Variants in YME1L1 observed in about 807,000 individuals in gnomAD.
YME1L1 encodes YME1 like 1 ATPase.
Under a neutral mutation model 90.4 loss-of-function variants are expected in YME1L1, and 39 were observed. That is an observed-to-expected ratio of 0.43 (90% confidence interval 0.33 to 0.56). The LOEUF is 0.56. Ranked by LOEUF, YME1L1 falls within the 20% of genes least tolerant of loss-of-function variation. YME1L1 has a pLI of 0.03. For missense variants in YME1L1, 617 were observed against 868.4 expected, an observed-to-expected ratio of 0.71 and a Z score of 3.64; for synonymous variants, 284 against 287.3, an observed-to-expected ratio of 0.99 and a Z score of 0.12.
At position 27,148,991 on chromosome 10, in the gene YME1L1, T is replaced by C; in HGVS notation, c.83A>G (p.Asn28Ser). 1 of 1,613,650 alleles carries C rather than the reference T, an allele frequency of 6.2e-7. No individual in the cohort carries two copies. The highest frequency in any genetic ancestry group is 1.1e-5 in the South Asian group (1 of 91,034). ...HLINAFHTPK[N>S]TSVSLSGVSV... is the part of the protein sequence containing the mutation. ...CACTCCACTGAGAGAAACAGAAGTG[T>C]TTTTTGGTGTATGGAAGGCATTGAT... The change falls in exon 2 of 19, where the codon AAC (asparagine) becomes AGC (serine). Residue 28 changes from asparagine (N) to serine (S), a missense_variant. Asn to Ser is a conservative substitution (Grantham distance 46). Transcript: ENST00000376016.
intron 1 of YME1L1, among the ~76,000 whole-genome samples, chr10:27,151,741 C>G (rs555235484): frequency 6.6e-6 from 1 of 151,972 alleles, no homozygotes; most frequent in Non-Finnish European, 1.5e-5. Context: ...ATTAGCCGGG[C>G]GTGGTGGCGG....
At chr10:27,134,317 C>T (rs1354975232) in intron 6 of YME1L1, among the ~76,000 whole-genome samples, 195 bp from the exon 7 acceptor site, 1 of 152,218 alleles carries the variant, frequency 6.6e-6, no homozygotes, top group East Asian at 1.9e-4. Flanking sequence ...AGCATGGTGG[C>T]TCATGCCTGT....
intron 13 of YME1L1, 49 bp from the exon 14 acceptor site, chr10:27,119,498 G>C (rs201442688): frequency 4.0e-5 from 62 of 1,555,304 alleles, no homozygotes; most frequent in Non-Finnish European, 5.2e-5. Flanking sequence ...ACAGGTAAAA[G>C]AAAGCTCTTC....
In YME1L1 at chr10:27,120,478, T is replaced by G. The variant is rs2056856199; in HGVS notation, c.1368A>C (p.Thr456=). 5.0e-6 allele frequency: 8 copies of G among 1,613,846 alleles called. No individual in the cohort carries two copies. Among genetic ancestry groups the G allele is most frequent in the African/African-American group, 2.7e-5 (2 of 74,934 alleles). The part of the protein sequence containing the change: ...TVPRPDVKGR[T]EILKWYLNKI... ...TATTGAGATACCATTTCAAAATTTC[T>G]GTTCGACCTTTTACATCTGGCCTTG... Residue 456 remains threonine, a synonymous_variant, in exon 13 of 19, where the codon ACA becomes ACC. Coordinates refer to ENST00000376016, the MANE Select transcript of YME1L1 (RefSeq NM_014263.4).
intron 5 of YME1L1, among the ~76,000 whole-genome samples, chr10:27,135,446 T>C (rs1354261667): frequency 1.3e-5 from 2 of 152,234 alleles, no homozygotes; most frequent in Non-Finnish European, 2.9e-5. Context: ...GTTTCTTAAA[T>C]CATTTTGATA....
In YME1L1 at chr10:27,111,962, A is replaced by G. The variant is rs117518425; in HGVS notation, c.*15T>C. On this transcript the variant is annotated 3_prime_UTR_variant, in exon 19 of 19. Transcript: ENST00000376016. ...CTTGCAATAAAACCAGCAAGCATCC[A>G]TATCAAGAGAGTTATCATCTCACTT... 6 of 1,613,804 alleles carry G rather than the reference A, an allele frequency of 3.7e-6. No homozygotes were observed. In the African/African-American group the frequency reaches 4.0e-5, roughly 11 times the overall value.
chr10:27,150,413 G>GAAA (rs1313980845), intron 1 of YME1L1, among the ~76,000 whole-genome samples: 1 of 152,166 alleles, frequency 6.6e-6, no homozygotes, highest in East Asian at 1.9e-4. Context: ...GGGGCAAAAT[G>GAAA]AGGGTAAATG....
intron 16 of YME1L1, 42 bp downstream of exon 16, chr10:27,116,177 G>A (rs1278237773): frequency 3.7e-6 from 6 of 1,613,498 alleles, no homozygotes; most frequent in Non-Finnish European, 5.1e-6. Context: ...ATATCTTTAA[G>A]ACCACATATA....
rs1468688050 is a variant in YME1L1, at chr10:27,134,841, T to C, written c.681A>G (p.Gln227=). 6.2e-7 allele frequency: 1 copy of C among 1,613,834 alleles called. No individual in the cohort carries two copies. Among genetic ancestry groups the C allele is most frequent in the Admixed American group, 1.7e-5 (1 of 60,006 alleles). ...EGFLKAQALT[Q]KTNDSLRRTR... ...GTCAATTCAACTTACCATTGGTTTT[T>C]TGTGTGAGTGCTTGAGCTTTCAGAA... The change falls in exon 6 of 19, where the codon CAA becomes CAG. Residue 227 remains glutamine, a synonymous_variant. Coordinates refer to ENST00000376016, the MANE Select transcript of YME1L1 (RefSeq NM_014263.4).
chr10:27,150,247 T>A (rs902923067), intron 1 of YME1L1, among the ~76,000 whole-genome samples: 3 of 152,072 alleles, frequency 2.0e-5, no homozygotes, highest in African/African-American at 7.2e-5. Flanking sequence ...AATGAATACA[T>A]TAAATGGGTT....
At chr10:27,136,028 GCTGCTCATTAATACAGAGAA>G (rs1049432680) in intron 5 of YME1L1, among the ~76,000 whole-genome samples, 4 of 152,192 alleles carry the variant, frequency 2.6e-5, no homozygotes, top group African/African-American at 9.7e-5. Flanking sequence ...TTGGGTGGAT[GCTGCTCATTAATACAGAGAA>G]CACCTCGACA....
At chr10:27,130,832 A>G (rs1269125846) in intron 8 of YME1L1, among the ~76,000 whole-genome samples, 1 of 152,244 alleles carries the variant, frequency 6.6e-6, no homozygotes, top group African/African-American at 2.4e-5. Context: ...CAGCTTGGGC[A>G]ACAATAGCGA....
rs781168773 is a variant in YME1L1 at position 27,114,505 on chromosome 10, C to CA, written c.2007+15dup. 4 of 1,596,780 alleles carry CA rather than the reference C, an allele frequency of 2.5e-6. No individual in the cohort carries two copies. In the African/African-American group the frequency reaches 5.4e-5, roughly 22 times the overall value. On this transcript the variant is annotated intron_variant, in intron 18 of 18. Transcript: ENST00000376016. ...TTGTTCCTAAGAAAATAAATAAGCA[C>CA]AAAAAATATTATTACCCTTAGAAGG... is the stretch of plus-strand genomic sequence containing the variant.
intron 9 of YME1L1, among the ~76,000 whole-genome samples, chr10:27,124,066 A>T (rs141333069): frequency 2.1e-3 from 313 of 152,374 alleles, no homozygotes; most frequent in African/African-American, 7.3e-3. Flanking sequence ...ATGCTTTTTC[A>T]TAAAGAACAA....
chr10:27,151,619 C>G (rs1314588405), intron 1 of YME1L1, among the ~76,000 whole-genome samples: 2 of 151,642 alleles, frequency 1.3e-5, no homozygotes, highest in African/African-American at 2.4e-5. Flanking sequence ...CGGTGGCTCA[C>G]GCCTGTAATC....
intron 4 of YME1L1, among the ~76,000 whole-genome samples, chr10:27,141,645 CACAG>C (rs1266729828): frequency 9.4e-4 from 126 of 134,336 alleles, no homozygotes; most frequent in South Asian, 5.3e-3. Context: ...CACACACACA[CACAG>C]ACGTCTTATT....
rs764690697 is a variant in YME1L1, at chr10:27,121,532, T to A, written c.1236-84A>T. The A allele has an allele frequency of 4.1e-4, 422 of 1,031,632 alleles. 1 individual carries two copies. The highest frequency in any genetic ancestry group is 5.6e-4 in the Non-Finnish European group (378 of 672,478). 63.9% of individuals were successfully genotyped at this position (1,031,632 alleles called of 1,614,324 possible). A position where few individuals can be genotyped will look rare whatever the true frequency, so the allele number is the denominator to read the frequency against. The stretch of plus-strand genomic sequence containing the variant: ...AATGCTCTACACAAAACTGGTTTGT[T>A]TTCTTTTTTTGAGACTAGGACTCGC... On this transcript the variant is annotated intron_variant, in intron 11 of 18. Coordinates refer to ENST00000376016, the MANE Select transcript of YME1L1 (RefSeq NM_014263.4).
chr10:27,119,594 A>C, intron 13 of YME1L1, 145 bp from the exon 14 acceptor site: 1 of 813,486 alleles, frequency 1.2e-6, no homozygotes, highest in Non-Finnish European at 1.8e-6. Flanking sequence ...AGATCACCTA[A>C]GGACAGGAGT....
At chr10:27,145,848 TGAGAAA>T (rs2057138845) in intron 2 of YME1L1, 2 of 249,846 alleles carry the variant, frequency 8.0e-6, no homozygotes, top group South Asian at 1.2e-4. Flanking sequence ...TCAGCATGAA[TGAGAAA>T]AACTTTTTTT....
Sources: gnomAD v4.1 joint callset for allele counts (sites outside exome capture counted in the v4.1 genomes callset) on GRCh38, gnomAD v4.1.1 for gene constraint, MANE v1.5 for transcripts, NCBI Gene and HGNC (gene_info 2026-07-23, HGNC 2026-07-21) for gene names.